NREP: variants seen among roughly 807,000 people sequenced by gnomAD.
NREP encodes the protein neuronal regeneration-related protein.
NREP carries 5 observed loss-of-function variants against 8.6 expected under a neutral mutation model. The ratio of observed to expected loss-of-function variants is 0.58; its 90% CI spans 0.30 to 1.22. NREP has a LOEUF of 1.22. Ranked by LOEUF, NREP falls within the 50% of genes most tolerant of loss-of-function variation. The pLI, the probability that NREP is intolerant of heterozygous loss-of-function variation, is 0.07. For synonymous variants in NREP, 27 were observed against 28.0 expected (o/e 0.96, Z 0.11); for missense variants, 86 against 82.5 (o/e 1.04, Z -0.17).
intron 2 of NREP, among the ~76,000 whole-genome samples, chr5:111,845,419 C>A (rs1337472247): frequency 6.6e-6 from 1 of 152,048 alleles, no homozygotes; most frequent in Non-Finnish European, 1.5e-5. Context: ...AACTCCTATT[C>A]TGCCATCTTG....
chr5:111,873,405 C>T (rs1274513317), intron 2 of NREP, among the ~76,000 whole-genome samples: 1 of 152,066 alleles, frequency 6.6e-6, no homozygotes, highest in Non-Finnish European at 1.5e-5. Context: ...TCAGGGTATC[C>T]ACAAGCCATG....
intron 2 of NREP, among the ~76,000 whole-genome samples, chr5:111,857,622 A>G (rs186043008): frequency 1.3e-5 from 2 of 152,134 alleles, no homozygotes; most frequent in African/African-American, 4.8e-5. Context: ...TGATCACTAA[A>G]TTGTCTTCTT....
chr5:111,797,938 A>G (rs1052310527), intron 2 of NREP, among the ~76,000 whole-genome samples: 4 of 152,174 alleles, frequency 2.6e-5, no homozygotes, highest in Admixed American at 2.6e-4. Flanking sequence ...GTAAGTGAAA[A>G]CTGATAAGAA....
At chr5:111,940,160 C>T (rs1755791858) in intron 2 of NREP, 1 of 152,064 alleles carries the variant, frequency 6.6e-6, no homozygotes, top group Admixed American at 6.6e-5. Context: ...AAAACTATTC[C>T]TTCAATTTAC....
At chr5:111,943,500 G>A (rs1190594746) in intron 2 of NREP, among the ~76,000 whole-genome samples, 1 of 152,006 alleles carries the variant, frequency 6.6e-6, no homozygotes, top group Non-Finnish European at 1.5e-5. Context: ...TCTACCCTGA[G>A]CTCCAGAACT....
At chr5:111,949,119 G>C (rs1479886949) in intron 2 of NREP, 2 of 151,994 alleles carry the variant, frequency 1.3e-5, no homozygotes, top group African/African-American at 4.8e-5. Flanking sequence ...ATTTCCCATA[G>C]CAATCTATTC....
At chr5:111,842,376 A>G (rs1173542195) in intron 2 of NREP, among the ~76,000 whole-genome samples, 2 of 152,184 alleles carry the variant, frequency 1.3e-5, no homozygotes, top group Non-Finnish European at 2.9e-5. Flanking sequence ...ACTAGCACCA[A>G]GTTCTGTGTG....
intron 2 of NREP, among the ~76,000 whole-genome samples, chr5:111,890,327 T>G (rs1179123425): frequency 6.6e-6 from 1 of 152,238 alleles, no homozygotes; most frequent in Non-Finnish European, 1.5e-5. Context: ...TTTGTACTGT[T>G]CAGCCCTTGC....
chr5:111,976,613 G>C (rs1756970338), intron 1 of NREP: 1 of 927,172 alleles, frequency 1.1e-6, no homozygotes. Context: ...GGTTAAAATG[G>C]AGAGGTCAGT....
At position 111,822,979 on chromosome 5, in the gene NREP, T is replaced by C. The variant is rs144474265; in HGVS notation, c.136-87472A>G. 1.9e-3 allele frequency among the ~76,000 whole-genome samples: 297 copies of C among 152,326 alleles called. 3 individuals are homozygous for C. Among genetic ancestry groups the C allele is most frequent in the African/African-American group, 6.7e-3 (277 of 41,564 alleles). ...CTGTAAAGGAATACTGGAGGCTAGG[T>C]AATTCATTGAAAAAAGGTTTATTTG... On this transcript the variant is annotated intron_variant, in intron 2 of 3. Coordinates refer to the NREP transcript ENST00000395634.
At chr5:111,833,048 T>C (rs115315689) in intron 2 of NREP, among the ~76,000 whole-genome samples, 3,463 of 152,308 alleles carry the variant, frequency 0.023, 51 homozygotes, top group Non-Finnish European at 0.027. Flanking sequence ...CCCAGGACTG[T>C]ACTACTTGTG....
At chr5:111,848,838 G>T (rs1753242582) in intron 2 of NREP, among the ~76,000 whole-genome samples, 1 of 151,448 alleles carries the variant, frequency 6.6e-6, no homozygotes, top group Non-Finnish European at 1.5e-5. Flanking sequence ...TCATTATGTA[G>T]CAGAGGAGCC....
chr5:111,844,678 TTA>T (rs34839211), intron 2 of NREP, among the ~76,000 whole-genome samples: 3 of 146,952 alleles, frequency 2.0e-5, no homozygotes, highest in Middle Eastern at 3.6e-3. Flanking sequence ...TATATATATA[TTA>T]TATATATATA....
At chr5:111,928,017 A>G (rs1755436891) in intron 2 of NREP, among the ~76,000 whole-genome samples, 2 of 152,150 alleles carry the variant, frequency 1.3e-5, no homozygotes, top group South Asian at 4.1e-4. Flanking sequence ...TGTGTGAGGA[A>G]AAATCCTGGT....
At chr5:111,769,609 A>T (rs978702993) in intron 2 of NREP, among the ~76,000 whole-genome samples, 3 of 152,202 alleles carry the variant, frequency 2.0e-5, no homozygotes, top group African/African-American at 7.2e-5. Context: ...ATTTATGAGG[A>T]AAACAGGTTT....
At chr5:111,830,263 T>C (rs1226018769) in intron 2 of NREP, among the ~76,000 whole-genome samples, 2 of 152,224 alleles carry the variant, frequency 1.3e-5, no homozygotes, top group East Asian at 3.8e-4. Context: ...GACACTCCTG[T>C]CTTAGGTTAA....
At chr5:111,925,011 A>G (rs1186884926) in intron 2 of NREP, among the ~76,000 whole-genome samples, 1 of 152,150 alleles carries the variant, frequency 6.6e-6, no homozygotes, top group Non-Finnish European at 1.5e-5. Flanking sequence ...TAAGGGGTTG[A>G]GAAAAATATA....
intron 2 of NREP, among the ~76,000 whole-genome samples, chr5:111,931,526 G>T (rs185370809): frequency 6.6e-6 from 1 of 152,104 alleles, no homozygotes; most frequent in African/African-American, 2.4e-5. Context: ...TGCAGTCTCT[G>T]CCTACATTCT....
intron 2 of NREP, among the ~76,000 whole-genome samples, chr5:111,887,091 C>G (rs1754278720): frequency 6.6e-6 from 1 of 151,992 alleles, no homozygotes; most frequent in Non-Finnish European, 1.5e-5. Flanking sequence ...GCCCAGCTAC[C>G]TATTAAATTT....
Sources: gnomAD v4.1 joint callset for allele counts (sites outside exome capture counted in the v4.1 genomes callset) on GRCh38, gnomAD v4.1.1 for gene constraint, MANE v1.5 for transcripts, NCBI Gene and HGNC (gene_info 2026-07-23, HGNC 2026-07-21) for gene names.